The following KIF15 variants were observed in gnomAD, a reference collection of about 807,000 sequenced individuals.
The protein encoded by KIF15 is kinesin-like protein KIF15.
Under a neutral mutation model 190.6 loss-of-function variants are expected in KIF15, and 140 were observed. The ratio of observed to expected loss-of-function variants is 0.73; its 90% CI spans 0.64 to 0.84. KIF15 has a LOEUF of 0.84. Among genes scored for constraint, KIF15 ranks in the 40% least tolerant of loss-of-function variants. KIF15 has a pLI of 0.00. For missense variants in KIF15, 1,372 were observed against 1,584.4 expected, an observed-to-expected ratio of 0.87 and a Z score of 2.28; for synonymous variants, 528 against 551.3, an observed-to-expected ratio of 0.96 and a Z score of 0.59.
rs772132347 is a variant in KIF15, at chr3:44,801,986, G to T, written c.1509+12G>T. On this transcript the variant is annotated intron_variant, in intron 13 of 34. Coordinates refer to ENST00000326047, the MANE Select transcript of KIF15 (RefSeq NM_020242.3). ...CTCTGCGAGAACAAGTGAGTATACG[G>T]CATCTATAATATTTCTAAAAATAAA... is the stretch of plus-strand genomic sequence containing the variant. 1.3e-6 allele frequency: 2 copies of T among 1,553,840 alleles called. No individual in the cohort carries two copies. The highest frequency in any genetic ancestry group is 1.8e-6 in the Non-Finnish European group (2 of 1,136,022).
At chr3:44,864,841 G>C (rs1699303248) in intron 6 of KIF15, among the ~76,000 whole-genome samples, 1 of 152,200 alleles carries the variant, frequency 6.6e-6, no homozygotes, top group South Asian at 2.1e-4. Context: ...GTCCAGTGCA[G>C]TGAGGGAGGT....
chr3:44,807,986 A>C (rs1469882946), intron 16 of KIF15, among the ~76,000 whole-genome samples: 1 of 151,574 alleles, frequency 6.6e-6, no homozygotes, highest in African/African-American at 2.4e-5. Context: ...CTCAGGCTGG[A>C]GTGCAGTGGC....
At chr3:44,794,481 T>G in intron 8 of KIF15, 55 bp downstream of exon 8, 1 of 1,340,122 alleles carries the variant, frequency 7.5e-7, no homozygotes, top group Non-Finnish European at 1.0e-6. Flanking sequence ...TAGCAGTCAA[T>G]ACAGTCGTGA....
intron 23 of KIF15, 60 bp downstream of exon 23, chr3:44,827,588 C>A: frequency 2.0e-6 from 2 of 1,009,130 alleles, no homozygotes; most frequent in Non-Finnish European, 3.0e-6. Flanking sequence ...TTCCTGATAC[C>A]TAAAAGGCTT....
At position 44,852,944 on chromosome 3, in the gene KIF15, G is replaced by A. The variant is rs1268579587; in HGVS notation, c.*209G>A. 1.3e-5 allele frequency: 5 copies of A among 397,988 alleles called. No individual in the cohort carries two copies. The highest frequency in any genetic ancestry group is 8.1e-5 in the East Asian group (2 of 24,668). The allele number at this position is 397,988 out of a possible 1,614,324, so 24.7% of individuals were successfully genotyped here. Reference sequence around the variant, plus strand: ...ACAGTCAGCAGTCTGCTATTAAGTGGCCTACTTCAAGGCTTTGAATCAACT... The same window carrying A: ...ACAGTCAGCAGTCTGCTATTAAGTGACCTACTTCAAGGCTTTGAATCAACT... On this transcript the variant is annotated 3_prime_UTR_variant, in exon 35 of 35. Coordinates refer to ENST00000326047, the MANE Select transcript of KIF15 (RefSeq NM_020242.3).
intron 26 of KIF15, 40 bp from the exon 27 acceptor site, chr3:44,838,235 A>T (rs1698419542): frequency 1.3e-6 from 2 of 1,553,668 alleles, no homozygotes; most frequent in Non-Finnish European, 1.7e-6. Flanking sequence ...CCTTATTGGA[A>T]TACCATAATT....
intron 24 of KIF15, among the ~76,000 whole-genome samples, chr3:44,828,849 C>G (rs1365523753): frequency 6.6e-6 from 1 of 151,780 alleles, no homozygotes; most frequent in Non-Finnish European, 1.5e-5. Context: ...ACCAGCCTGA[C>G]CAACATGGAG....
intron 6 of KIF15, among the ~76,000 whole-genome samples, chr3:44,860,464 G>A (rs1294893140): frequency 6.6e-6 from 1 of 152,096 alleles, no homozygotes; most frequent in Non-Finnish European, 1.5e-5. Flanking sequence ...TCTGCCTCCT[G>A]GGTTCAAACA....
chr3:44,773,205 A>G (rs1705716853), intron 1 of KIF15, among the ~76,000 whole-genome samples: 1 of 152,182 alleles, frequency 6.6e-6, no homozygotes, highest in Admixed American at 6.5e-5. Context: ...AGAAAAAAAA[A>G]CTTTAAATGC....
intron 7 of KIF15, among the ~76,000 whole-genome samples, chr3:44,789,133 T>C (rs1706547297): frequency 6.6e-6 from 1 of 152,192 alleles, no homozygotes; most frequent in South Asian, 2.1e-4. Flanking sequence ...GGGTTTATCA[T>C]GCTGTTCTTT....
chr3:44,785,635 A>G (rs562548012), intron 6 of KIF15, among the ~76,000 whole-genome samples: 1 of 152,380 alleles, frequency 6.6e-6, no homozygotes, highest in Non-Finnish European at 1.5e-5. Context: ...TAACACTGAA[A>G]TTAGACACAC....
intron 8 of KIF15, among the ~76,000 whole-genome samples, chr3:44,795,238 G>A (rs571432307): frequency 2.4e-4 from 37 of 152,268 alleles, no homozygotes; most frequent in African/African-American, 8.7e-4. Context: ...AGTAGTTCTT[G>A]ACTTGTGAAG....
chr3:44,838,395 GC>G lies in KIF15; in HGVS notation c.3295del (p.Leu1099Ter), dbSNP rs1698428856. 6.2e-7 allele frequency: 1 copy of G among 1,613,286 alleles called. No homozygotes were observed. Among genetic ancestry groups the G allele is most frequent in the Non-Finnish European group, 8.5e-7 (1 of 1,179,764 alleles). ...SAQEELTKKE[A>X]LIQELQHKLN... is the part of the protein sequence containing the mutation. ...CCAGGAAGAACTGACCAAGAAGGAA[GC>G]CCTGATTCAGGAACTTCAGCACAAG... On this transcript the variant is annotated frameshift_variant, in exon 27 of 35. Transcript: ENST00000326047. LOFTEE classifies it high-confidence loss of function.
chr3:44,795,432 A>C (rs146595110), intron 8 of KIF15, among the ~76,000 whole-genome samples: 2 of 152,214 alleles, frequency 1.3e-5, no homozygotes, highest in African/African-American at 4.8e-5. Flanking sequence ...GTTTGTATCA[A>C]CTCTGCGAAT....
At chr3:44,779,521 T>C (rs945118166) in intron 4 of KIF15, among the ~76,000 whole-genome samples, 2 of 151,910 alleles carry the variant, frequency 1.3e-5, no homozygotes, top group African/African-American at 2.4e-5. Flanking sequence ...AGTGCCTGTT[T>C]GGACAATAAT....
At chr3:44,838,069 T>C (rs775089015) in intron 26 of KIF15, among the ~76,000 whole-genome samples, 2 of 152,224 alleles carry the variant, frequency 1.3e-5, no homozygotes, top group Admixed American at 6.5e-5. Context: ...TACCTATATA[T>C]GTTTACTGTA....
intron 20 of KIF15, among the ~76,000 whole-genome samples, chr3:44,819,340 G>T (rs777641884): frequency 7.2e-5 from 11 of 152,070 alleles, no homozygotes; most frequent in Non-Finnish European, 1.3e-4. Context: ...TGATGTTAGG[G>T]TGTCGATTTT....
chr3:44,819,078 T>C (rs1048219750), intron 20 of KIF15, among the ~76,000 whole-genome samples: 5 of 152,226 alleles, frequency 3.3e-5, no homozygotes, highest in African/African-American at 1.2e-4. Flanking sequence ...TTCTGTGGGA[T>C]AGGTGGTGAT....
chr3:44,830,819 C>G, intron 25 of KIF15, 77 bp from the exon 26 acceptor site: 1 of 1,457,624 alleles, frequency 6.9e-7, no homozygotes. Flanking sequence ...CACCTTGGAA[C>G]CCAGACTCAT....
Sources: gnomAD v4.1 joint callset for allele counts (sites outside exome capture counted in the v4.1 genomes callset) on GRCh38, gnomAD v4.1.1 for gene constraint, MANE v1.5 for transcripts, NCBI Gene and HGNC (gene_info 2026-07-23, HGNC 2026-07-21) for gene names.